Variants in DSCAM observed in about 807,000 individuals in gnomAD.
The protein encoded by DSCAM is DS cell adhesion molecule, also known as cell adhesion molecule DSCAM.
In DSCAM, 47 loss-of-function variants were observed where a neutral mutation model predicts 217.7. The observed-to-expected ratio is 0.22, with a 90% CI of 0.17 to 0.28. DSCAM has a LOEUF of 0.28. Among genes scored for constraint, DSCAM ranks in the 10% least tolerant of loss-of-function variants. The probability of loss-of-function intolerance (pLI) is 1.00; values close to 1 mark genes in which losing one functional copy is unlikely to be tolerated. For synonymous variants in DSCAM, 1,056 were observed against 1,015.3 expected (o/e 1.04, Z -0.76); for missense variants, 2,080 against 2,618.3 (o/e 0.79, Z 4.49).
chr21:40,257,288 T>C (rs973603863), intron 11 of DSCAM, among the ~76,000 whole-genome samples: 2 of 152,232 alleles, frequency 1.3e-5, no homozygotes, highest in African/African-American at 4.8e-5. Context: ...CTAGACTACA[T>C]ATGAAACCTA....
chr21:40,842,588 C>A (rs2092112082), intron 1 of DSCAM, among the ~76,000 whole-genome samples: 1 of 152,154 alleles, frequency 6.6e-6, no homozygotes, highest in African/African-American at 2.4e-5. Flanking sequence ...CTCTCTCTCT[C>A]CCTCTCTCAA....
At chr21:40,152,104 C>G (rs777830939) in intron 16 of DSCAM, among the ~76,000 whole-genome samples, 26 of 144,340 alleles carry the variant, frequency 1.8e-4, no homozygotes, top group African/African-American at 6.1e-4. Flanking sequence ...TCCTTTGAAA[C>G]GTAAGCATAT....
intron 2 of DSCAM, among the ~76,000 whole-genome samples, chr21:40,705,016 T>C (rs1189402021): frequency 6.6e-6 from 1 of 152,136 alleles, no homozygotes; most frequent in South Asian, 2.1e-4. Flanking sequence ...AAGAACTTGA[T>C]CAGATATTAA....
chr21:40,032,094 A>G (rs2146450396), intron 32 of DSCAM, among the ~76,000 whole-genome samples: 1 of 152,222 alleles, frequency 6.6e-6, no homozygotes, highest in South Asian at 2.1e-4. Context: ...CAAGATGCAC[A>G]TTGTTGTAGA....
intron 20 of DSCAM, among the ~76,000 whole-genome samples, chr21:40,100,756 AT>A (rs1247454448): frequency 6.6e-6 from 1 of 152,120 alleles, no homozygotes; most frequent in East Asian, 1.9e-4. Context: ...AATGAACCAA[AT>A]GTGGCAAAAG....
chr21:40,821,121 G>GAT (rs1266057591), intron 1 of DSCAM, among the ~76,000 whole-genome samples: 4 of 101,764 alleles, frequency 3.9e-5, no homozygotes, highest in South Asian at 3.5e-4. Context: ...CATATATATA[G>GAT]ATATATATAT....
At chr21:40,828,197 G>C (rs2091985050) in intron 1 of DSCAM, among the ~76,000 whole-genome samples, 1 of 152,130 alleles carries the variant, frequency 6.6e-6, no homozygotes. Flanking sequence ...GAGCCCAGGA[G>C]TTCAAGACCA....
chr21:40,326,087 A>T (rs2074313920), intron 8 of DSCAM, among the ~76,000 whole-genome samples: 1 of 152,230 alleles, frequency 6.6e-6, no homozygotes, highest in Admixed American at 6.5e-5. Flanking sequence ...TATTAAGTAC[A>T]CATAAGTCTG....
At chr21:40,592,321 C>T (rs1024023007) in intron 3 of DSCAM, among the ~76,000 whole-genome samples, 2 of 152,140 alleles carry the variant, frequency 1.3e-5, no homozygotes, top group African/African-American at 4.8e-5. Context: ...TATATTAACT[C>T]AATATCTATC....
intron 24 of DSCAM, 123 bp downstream of exon 24, chr21:40,083,785 A>G (rs936021826): frequency 1.8e-5 from 11 of 620,112 alleles, no homozygotes; most frequent in Non-Finnish European, 3.0e-5. Flanking sequence ...GGGATTGTTT[A>G]TATGACGTAT....
chr21:40,731,094 C>A (rs902689298), intron 1 of DSCAM, among the ~76,000 whole-genome samples: 1 of 151,998 alleles, frequency 6.6e-6, no homozygotes, highest in Non-Finnish European at 1.5e-5. Context: ...ATATGAGCTT[C>A]GGTAAGGAAG....
chr21:40,173,226 G>A (rs1386269595), intron 15 of DSCAM, among the ~76,000 whole-genome samples: 1 of 152,162 alleles, frequency 6.6e-6, no homozygotes, highest in African/African-American at 2.4e-5. Flanking sequence ...TAGAAGGAGA[G>A]TGGTAAGGGA....
chr21:40,153,947 A>C (rs1352167808), intron 16 of DSCAM, among the ~76,000 whole-genome samples: 1 of 152,206 alleles, frequency 6.6e-6, no homozygotes, highest in Non-Finnish European at 1.5e-5. Flanking sequence ...GAATAAATGC[A>C]CATAAAACTG....
intron 3 of DSCAM, among the ~76,000 whole-genome samples, chr21:40,386,239 T>C (rs1414513230): frequency 1.3e-5 from 2 of 152,240 alleles, no homozygotes; most frequent in Non-Finnish European, 2.9e-5. Context: ...TATTTTTCAT[T>C]GCAAAGCAAT....
At chr21:40,548,437 C>T (rs2076601540) in intron 3 of DSCAM, among the ~76,000 whole-genome samples, 1 of 151,872 alleles carries the variant, frequency 6.6e-6, no homozygotes, top group African/African-American at 2.4e-5. Flanking sequence ...CAGTAGGTGA[C>T]TGGTAATGAC....
intron 1 of DSCAM, among the ~76,000 whole-genome samples, chr21:40,761,687 C>CCCT (rs2091337031): frequency 6.6e-6 from 1 of 152,244 alleles, no homozygotes; most frequent in South Asian, 2.1e-4. Flanking sequence ...CAGAGAGAAA[C>CCCT]GATCCCAATT....
At chr21:40,656,895 TTTC>T (rs1452726836) in intron 3 of DSCAM, among the ~76,000 whole-genome samples, 1 of 152,190 alleles carries the variant, frequency 6.6e-6, no homozygotes, top group African/African-American at 2.4e-5. Flanking sequence ...TTGAGAATGT[TTTC>T]TTTTCTTCAC....
At chr21:40,029,152 A>AATCCTTTGATTACAGTACCC (rs1555864168) in intron 32 of DSCAM, among the ~76,000 whole-genome samples, 2 of 152,152 alleles carry the variant, frequency 1.3e-5, no homozygotes, top group Non-Finnish European at 2.9e-5. Context: ...GGTGGCTTCC[A>AATCCTTTGATTACAGTACCC]ATTCTTGGTT....
chr21:40,208,248 T>A (rs769922348), intron 11 of DSCAM, among the ~76,000 whole-genome samples: 20 of 151,846 alleles, frequency 1.3e-4, no homozygotes, highest in Non-Finnish European at 2.8e-4. Flanking sequence ...AGGTCAAGAG[T>A]TTGAGACTAG....
Sources: allele counts gnomAD v4.1 joint callset (sites outside exome capture counted in the v4.1 genomes callset), GRCh38; gene constraint gnomAD v4.1.1; transcripts MANE v1.5; gene names NCBI Gene and HGNC (gene_info 2026-07-23, HGNC 2026-07-21).